ARHGAP21: variants seen among roughly 807,000 people sequenced by gnomAD.
The protein encoded by ARHGAP21 is Rho GTPase activating protein 21.
A neutral mutation model predicts 164.6 loss-of-function variants in ARHGAP21; 38 were observed. The observed-to-expected ratio is 0.23, with a 90% confidence interval of 0.18 to 0.30. ARHGAP21 has a LOEUF of 0.30. Ranked by LOEUF, ARHGAP21 falls within the 10% of genes least tolerant of loss-of-function variation. The pLI is 1.00. For missense variants in ARHGAP21, 1,822 were observed against 2,370.7 expected, an observed-to-expected ratio of 0.77 and a Z score of 4.81; for synonymous variants, 766 against 857.9, an observed-to-expected ratio of 0.89 and a Z score of 1.87.
intron 4 of ARHGAP21, chr10:24,648,859 C>G (rs1316068879): frequency 1.0e-6 from 1 of 985,056 alleles, no homozygotes; most frequent in Non-Finnish European, 1.2e-6. Context: ...TCTGAGGCTC[C>G]CAAGTGTTTT....
At chr10:24,617,102 G>A (rs1038167439) in intron 9 of ARHGAP21, among the ~76,000 whole-genome samples, 1 of 151,854 alleles carries the variant, frequency 6.6e-6, no homozygotes, top group Non-Finnish European at 1.5e-5. Context: ...AAATAAGATA[G>A]GAACTAATTA....
chr10:24,602,626 T>G (rs1476546277), intron 12 of ARHGAP21, among the ~76,000 whole-genome samples: 1 of 152,194 alleles, frequency 6.6e-6, no homozygotes, highest in Non-Finnish European at 1.5e-5. Context: ...CAGCTAATTC[T>G]AGGTCATTAA....
rs765267158 is a variant in ARHGAP21, at chr10:24,620,779, A to G, written c.1116T>C (p.Ser372=). The G allele has an allele frequency of 1.2e-6, 2 of 1,614,084 alleles. No individual in the cohort carries two copies. The highest frequency in any genetic ancestry group is 1.1e-5 in the South Asian group (1 of 91,092). Residue 372 remains serine, a synonymous_variant, in exon 9 of 26, where the codon TCT becomes TCC. Transcript: ENST00000396432. ...RSQAVEAPSV[S]VNHYSPNSHQ... is the part of the protein sequence containing the mutation. Reference sequence around the variant, plus strand: ...GGGAATTTGGCGAATAGTGATTAACAGATACAGAGGGAGCCTCCACAGCTT... The same window carrying G: ...GGGAATTTGGCGAATAGTGATTAACGGATACAGAGGGAGCCTCCACAGCTT...
rs993244524 is a variant in ARHGAP21 at position 24,648,914 on chromosome 10, T to C, written c.269-13811A>G. The C allele has an allele frequency of 1.6e-5, 15 of 941,272 alleles. No individual in the cohort carries two copies. The African/African-American group carries it at 2.5e-4, about 16-fold the overall frequency. The allele number at this position is 941,272 out of a possible 1,614,324, so 58.3% of individuals were successfully genotyped here. A position where few individuals can be genotyped will look rare whatever the true frequency, so the allele number is the denominator to read the frequency against. ...AGAAGACAACCCTGGAGACCTCCTTTCCCATATTTTCCCACCTGTCCACTA... is the reference window on the plus strand; with the variant it reads ...AGAAGACAACCCTGGAGACCTCCTTCCCCATATTTTCCCACCTGTCCACTA... On this transcript the variant is annotated intron_variant, in intron 4 of 25. Coordinates refer to ENST00000396432, the MANE Select transcript of ARHGAP21 (RefSeq NM_020824.4).
intron 4 of ARHGAP21, among the ~76,000 whole-genome samples, chr10:24,654,879 G>T (rs1464324824): frequency 6.6e-6 from 1 of 152,136 alleles, no homozygotes; most frequent in Non-Finnish European, 1.5e-5. Context: ...ATACTACAAG[G>T]CTACAGTAAC....
Position 24,619,541 on chromosome 10 carries a change from C to G in ARHGAP21, c.2354G>C (p.Arg785Thr). The G allele has an allele frequency of 6.2e-7, 1 of 1,614,146 alleles. No homozygotes were observed. Among genetic ancestry groups the G allele is most frequent in the South Asian group, 1.1e-5 (1 of 91,084 alleles). ...NDARREVHIK[R>T]MEERKASSTS... Reference sequence around the variant, plus strand: ...ACTCGAGGCTTTTCTTTCCTCCATTCTTTTTATGTGGACCTCTCGACGTGC... The same window carrying G: ...ACTCGAGGCTTTTCTTTCCTCCATTGTTTTTATGTGGACCTCTCGACGTGC... The change falls in exon 9 of 26, where the codon AGA becomes ACA. Residue 785 changes from arginine to threonine, a missense_variant. This residue lies in a region of ARHGAP21 where 1,090 missense variants were observed against 1,378.9 expected (regional missense o/e 0.79). Transcript: ENST00000396432.
At chr10:24,586,216 C>G in intron 25 of ARHGAP21, 110 bp from the exon 26 acceptor site, 2 of 1,342,368 alleles carry the variant, frequency 1.5e-6, no homozygotes, top group Non-Finnish European at 2.0e-6. Flanking sequence ...TACTAAAGCT[C>G]TGGAAGCATT....
chr10:24,600,617 A>C, intron 14 of ARHGAP21, 29 bp downstream of exon 14: 1 of 1,603,172 alleles, frequency 6.2e-7, no homozygotes, highest in Non-Finnish European at 8.5e-7. Flanking sequence ...AAAGGGTCAG[A>C]TTTCTCCAGC....
intron 4 of ARHGAP21, among the ~76,000 whole-genome samples, chr10:24,655,831 A>C (rs1593183370): frequency 9.6e-6 from 1 of 104,056 alleles, no homozygotes; most frequent in Non-Finnish European, 2.0e-5. Context: ...CCGGCCGCCC[A>C]TCGTCTGAGA....
rs56053080 is a variant in ARHGAP21 at position 24,660,386 on chromosome 10, T to TAAAAAAAAAAA, written c.268+6588_268+6598dup. On this transcript the variant is annotated intron_variant, in intron 4 of 25. Coordinates refer to ENST00000396432, the MANE Select transcript of ARHGAP21 (RefSeq NM_020824.4). ...GCACAGAGCAACACCCTCTCTCTCT[T>TAAAAAAAAAAA]AAAAAAAAAAAAAAAAAAAAAAAAG... Among the ~76,000 whole-genome samples, 14 of 60,090 alleles carry TAAAAAAAAAAA rather than the reference T, an allele frequency of 2.3e-4. 1 individual carries two copies. The highest frequency in any genetic ancestry group is 7.7e-4 in the Admixed American group (3 of 3,896). 39.4% of individuals were successfully genotyped at this position (60,090 alleles called of 152,430 possible). A position where few individuals can be genotyped will look rare whatever the true frequency, so the allele number is the denominator to read the frequency against.
intron 14 of ARHGAP21, among the ~76,000 whole-genome samples, chr10:24,598,656 C>G (rs2076683790): frequency 6.6e-6 from 1 of 152,064 alleles, no homozygotes; most frequent in African/African-American, 2.4e-5. Context: ...TCCAATTATA[C>G]ATTGATATTG....
At chr10:24,658,685 G>T (rs1839349613) in intron 4 of ARHGAP21, among the ~76,000 whole-genome samples, 1 of 152,114 alleles carries the variant, frequency 6.6e-6, no homozygotes, top group South Asian at 2.1e-4. Flanking sequence ...TTGTGGGGTG[G>T]GGGGAGAGAG....
At chr10:24,621,453 A>G in intron 8 of ARHGAP21, 84 bp from the exon 9 acceptor site, 1 of 1,241,054 alleles carries the variant, frequency 8.1e-7, no homozygotes, top group South Asian at 1.6e-5. Flanking sequence ...TATTTTATCT[A>G]TGTCCTACCT....
At chr10:24,662,082 T>G (rs1839754277) in intron 4 of ARHGAP21, among the ~76,000 whole-genome samples, 1 of 152,190 alleles carries the variant, frequency 6.6e-6, no homozygotes, top group African/African-American at 2.4e-5. Flanking sequence ...AGCCAAGTAC[T>G]GAAACTGAGT....
chr10:24,690,275 A>C (rs2132004345), intron 2 of ARHGAP21, among the ~76,000 whole-genome samples: 1 of 152,286 alleles, frequency 6.6e-6, no homozygotes, highest in South Asian at 2.1e-4. Context: ...GCTGGCTCAA[A>C]TGTTTACTTT....
chr10:24,657,812 C>T (rs1256076156), intron 4 of ARHGAP21, among the ~76,000 whole-genome samples: 2 of 116,298 alleles, frequency 1.7e-5, no homozygotes, highest in African/African-American at 7.1e-5. Context: ...GGATTAAGGG[C>T]GGTGCAAGAT....
chr10:24,666,131 G>A (rs1034539361), intron 4 of ARHGAP21, among the ~76,000 whole-genome samples: 4 of 152,128 alleles, frequency 2.6e-5, no homozygotes, highest in Non-Finnish European at 4.4e-5. Flanking sequence ...CCAGGTTCAC[G>A]CCATTCTCCT....
At chr10:24,598,942 G>GATA (rs2076696849) in intron 14 of ARHGAP21, among the ~76,000 whole-genome samples, 2 of 152,166 alleles carry the variant, frequency 1.3e-5, no homozygotes, top group Admixed American at 6.5e-5. Context: ...TGGTGGTGAT[G>GATA]ATAATAGGAC....
Position 24,670,171 on chromosome 10 carries a change from A to ATG in ARHGAP21, c.243+45_243+46dup, listed in dbSNP as rs773615152. 18 of 1,396,816 alleles carry ATG rather than the reference A, an allele frequency of 1.3e-5. No individual in the cohort carries two copies. In the East Asian group the frequency reaches 3.4e-4, roughly 26 times the overall value. The allele number at this position is 1,396,816 out of a possible 1,614,324, so 86.5% of individuals were successfully genotyped here. ...AGAGGAAGACTAGAAGGGGATAGGA[A>ATG]TGGCCTTGTGGTTTTTTTTTCAAGT... On this transcript the variant is annotated intron_variant, in intron 3 of 25. Transcript: ENST00000396432.
Sources: allele counts gnomAD v4.1 joint callset (sites outside exome capture counted in the v4.1 genomes callset), GRCh38; gene constraint gnomAD v4.1.1; regional missense constraint gnomAD v4.1.1; transcripts MANE v1.5; gene names NCBI Gene and HGNC (gene_info 2026-07-23, HGNC 2026-07-21).